ATP8B1: variants seen among roughly 807,000 people sequenced by gnomAD.
ATP8B1 encodes the protein phospholipid-transporting ATPase IC.
A neutral mutation model predicts 149.9 loss-of-function variants in ATP8B1; 80 were observed. The ratio of observed to expected loss-of-function variants is 0.53; its 90% confidence interval spans 0.45 to 0.64. The LOEUF is 0.64. ATP8B1 is among the 30% of genes least tolerant of loss of function. The pLI, the probability that ATP8B1 is intolerant of heterozygous loss-of-function variation, is 0.00. For synonymous variants in ATP8B1, 536 were observed against 562.8 expected, an observed-to-expected ratio of 0.95 and a Z score of 0.67; for missense variants, 1,247 against 1,552.6, an observed-to-expected ratio of 0.80 and a Z score of 3.31.
Position 57,731,378 on chromosome 18 carries a change from C to CAA in ATP8B1, c.181+248_181+249insTT. 1.4e-5 allele frequency: 4 copies of CAA among 278,134 alleles called. 2 individuals carry two copies. Among genetic ancestry groups the CAA allele is most frequent in the South Asian group, 6.2e-5 (2 of 32,078 alleles). The allele number at this position is 278,134 out of a possible 1,614,324, so 17.2% of individuals were successfully genotyped here. A position where few individuals can be genotyped will look rare whatever the true frequency, so the allele number is the denominator to read the frequency against. Reference sequence around the variant, plus strand: ...ATATATATATATATATATATATACACACACTAACAAAGACCTTAATGTATT... The same window carrying CAA: ...ATATATATATATATATATATATACACAAACACTAACAAAGACCTTAATGTATT... On this transcript the variant is annotated intron_variant, in intron 2 of 27. Coordinates refer to ENST00000648908, the MANE Select transcript of ATP8B1 (RefSeq NM_001374385.1).
rs748164178 is a variant in ATP8B1 at position 57,648,224 on chromosome 18, G to A, written c.*264C>T. On this transcript the variant is annotated 3_prime_UTR_variant, in exon 28 of 28. Transcript: ENST00000648908. ...TGGTCTCGAACTCCTGGCCTCAGGT[G>A]ATCTCCCCTCCTCAGCCTCCTAAAG... The A allele has an allele frequency of 9.4e-5, 52 of 555,832 alleles. 2 individuals are homozygous for A. Among genetic ancestry groups the A allele is most frequent in the South Asian group, 2.8e-4 (14 of 50,154 alleles). 34.4% of individuals were successfully genotyped at this position (555,832 alleles called of 1,614,324 possible). A position where few individuals can be genotyped will look rare whatever the true frequency, so the allele number is the denominator to read the frequency against.
chr18:57,667,452 G>A, intron 19 of ATP8B1: 2 of 407,074 alleles, frequency 4.9e-6, no homozygotes, highest in East Asian at 5.0e-5. Flanking sequence ...CATTCTTACT[G>A]TTGAACTGAA....
intron 1 of ATP8B1, among the ~76,000 whole-genome samples, chr18:57,735,906 G>A (rs1046123958): frequency 1.4e-4 from 22 of 152,070 alleles, no homozygotes; most frequent in African/African-American, 4.1e-4. Context: ...CCATCAACCT[G>A]TCATCTAGGT....
intron 1 of ATP8B1, among the ~76,000 whole-genome samples, chr18:57,792,289 A>G (rs1422789493): frequency 2.6e-5 from 4 of 151,168 alleles, no homozygotes; most frequent in African/African-American, 7.4e-5. Flanking sequence ...TACAATAAGG[A>G]TGAAATTTTA....
chr18:57,718,478 A>C (rs556600001), intron 2 of ATP8B1, among the ~76,000 whole-genome samples: 1 of 152,346 alleles, frequency 6.6e-6, no homozygotes, highest in Non-Finnish European at 1.5e-5. Flanking sequence ...TAAAATAAAC[A>C]GGAGGAAATA....
chr18:57,662,646 T>C (rs777188322), intron 20 of ATP8B1, 31 bp from the exon 21 acceptor site: 1 of 1,613,272 alleles, frequency 6.2e-7, no homozygotes, highest in Non-Finnish European at 8.5e-7. Context: ...GTGTTTAAAG[T>C]GTAAGACCCT....
In ATP8B1 at chr18:57,647,085, C is replaced by T. The variant is rs1277260486; in HGVS notation, c.*1403G>A. The T allele has an allele frequency of 2.0e-5, 3 of 152,166 alleles. No individual in the cohort carries two copies. The highest frequency in any genetic ancestry group is 2.9e-5 in the Non-Finnish European group (2 of 68,026). The allele number at this position is 152,166 out of a possible 1,614,324, so 9.4% of individuals were successfully genotyped here. A position where few individuals can be genotyped will look rare whatever the true frequency, so the allele number is the denominator to read the frequency against. On this transcript the variant is annotated 3_prime_UTR_variant, in exon 28 of 28. Coordinates refer to ENST00000648908, the MANE Select transcript of ATP8B1 (RefSeq NM_001374385.1). ...AGTGAAAAAGAGTGAGGTCTTTGTT[C>T]AAGTCCCTGATAAAATACTTTGCAT... is the stretch of plus-strand genomic sequence containing the variant.
chr18:57,718,920 C>T (rs1568210167), intron 2 of ATP8B1, among the ~76,000 whole-genome samples: 1 of 152,142 alleles, frequency 6.6e-6, no homozygotes, highest in African/African-American at 2.4e-5. Flanking sequence ...TAGTATCAAA[C>T]TGAATGGGGA....
intron 15 of ATP8B1, among the ~76,000 whole-genome samples, chr18:57,682,039 C>CT (rs1031656934): frequency 4.8e-4 from 72 of 150,024 alleles, no homozygotes; most frequent in African/African-American, 1.7e-3. Flanking sequence ...GAGTCTTGCA[C>CT]TGTTGCCCAG....
intron 19 of ATP8B1, 188 bp from the exon 20 acceptor site, chr18:57,667,355 A>G (rs951687981): frequency 1.4e-5 from 8 of 577,536 alleles, no homozygotes; most frequent in East Asian, 3.0e-5. Context: ...GCAGCCCCCA[A>G]GTAGCTGGGA....
At chr18:57,727,094 CAAAT>C (rs922890175) in intron 2 of ATP8B1, among the ~76,000 whole-genome samples, 2 of 152,136 alleles carry the variant, frequency 1.3e-5, no homozygotes, top group South Asian at 2.1e-4. Flanking sequence ...AATAAATAAA[CAAAT>C]AAATAAAAAG....
At chr18:57,801,760 T>G (rs996579006) in intron 1 of ATP8B1, among the ~76,000 whole-genome samples, 3 of 152,146 alleles carry the variant, frequency 2.0e-5, no homozygotes, top group Non-Finnish European at 4.4e-5. Flanking sequence ...GGCAAAATTT[T>G]GAAGGCAATG....
At chr18:57,726,342 G>A (rs1229340680) in intron 2 of ATP8B1, among the ~76,000 whole-genome samples, 4 of 152,068 alleles carry the variant, frequency 2.6e-5, no homozygotes, top group Admixed American at 2.0e-4. Context: ...AAGCAAAAAC[G>A]GACAAATGAG....
chr18:57,769,021 G>A (rs1291313375), intron 1 of ATP8B1, among the ~76,000 whole-genome samples: 1 of 152,216 alleles, frequency 6.6e-6, no homozygotes, highest in African/African-American at 2.4e-5. Flanking sequence ...GCTTCCCAGT[G>A]AGTAAGGTGG....
chr18:57,720,453 AAGCCT>A (rs1240485589), intron 2 of ATP8B1, among the ~76,000 whole-genome samples: 35 of 77,514 alleles, frequency 4.5e-4, no homozygotes, highest in Admixed American at 1.3e-3. Context: ...AAGAATGCAG[AAGCCT>A]CAGGAGCCGA....
At chr18:57,664,847 C>T (rs1910755190) in intron 20 of ATP8B1, among the ~76,000 whole-genome samples, 1 of 152,168 alleles carries the variant, frequency 6.6e-6, no homozygotes, top group Admixed American at 6.6e-5. Flanking sequence ...AATGAGGACT[C>T]AGTTATCTTG....
intron 1 of ATP8B1, among the ~76,000 whole-genome samples, chr18:57,768,128 G>A (rs1011649108): frequency 1.3e-5 from 2 of 152,120 alleles, no homozygotes; most frequent in African/African-American, 4.8e-5. Context: ...GCTCACGCCT[G>A]TAATCCCAGC....
intron 11 of ATP8B1, among the ~76,000 whole-genome samples, chr18:57,692,486 A>G (rs528147560): frequency 7.9e-4 from 97 of 122,066 alleles, no homozygotes; most frequent in Non-Finnish European, 1.1e-3. Context: ...CCCAGGCTGG[A>G]GTGCAGTGGT....
At chr18:57,777,175 G>A (rs770161836) in intron 1 of ATP8B1, among the ~76,000 whole-genome samples, 6 of 151,958 alleles carry the variant, frequency 3.9e-5, no homozygotes, top group South Asian at 4.1e-4. Context: ...ATGGGATTTC[G>A]CTATGTTTCC....
Sources: gnomAD v4.1 joint callset for allele counts (sites outside exome capture counted in the v4.1 genomes callset) on GRCh38, gnomAD v4.1.1 for gene constraint, MANE v1.5 for transcripts, NCBI Gene and HGNC (gene_info 2026-07-23, HGNC 2026-07-21) for gene names.